Variants in SLC22A15 observed in about 807,000 individuals in gnomAD.
The protein encoded by SLC22A15 is solute carrier family 22 member 15, also known as flipt 1.
In SLC22A15, 45 loss-of-function variants were observed where a neutral mutation model predicts 62.7. That is an observed-to-expected ratio of 0.72 (90% CI 0.56 to 0.92). The LOEUF (loss-of-function observed/expected upper bound fraction) is 0.92, where lower values mean the gene tolerates loss of function less well. SLC22A15 is among the 40% of genes least tolerant of loss of function. SLC22A15 has a pLI of 0.00. For synonymous variants in SLC22A15, 264 were observed against 267.0 expected (o/e 0.99, Z 0.11); for missense variants, 622 against 665.6 (o/e 0.93, Z 0.72).
chr1:116,054,546 C>G (rs1048318558), intron 8 of SLC22A15, among the ~76,000 whole-genome samples: 1 of 152,136 alleles, frequency 6.6e-6, no homozygotes, highest in Non-Finnish European at 1.5e-5. Flanking sequence ...CAGCTCTGCA[C>G]CAAGCTGACC....
intron 8 of SLC22A15, among the ~76,000 whole-genome samples, chr1:116,054,350 G>T (rs1291275150): frequency 6.6e-6 from 1 of 151,692 alleles, no homozygotes; most frequent in African/African-American, 2.4e-5. Context: ...AACAAGAAGA[G>T]CTAACTATCC....
intron 2 of SLC22A15, among the ~76,000 whole-genome samples, chr1:115,997,708 T>C (rs559406358): frequency 6.6e-6 from 1 of 152,080 alleles, no homozygotes; most frequent in South Asian, 2.1e-4. Context: ...ATGGAGTCTT[T>C]AGTTTTTTTT....
intron 5 of SLC22A15, among the ~76,000 whole-genome samples, chr1:116,030,081 A>G (rs1281563772): frequency 6.6e-6 from 1 of 152,226 alleles, no homozygotes; most frequent in Non-Finnish European, 1.5e-5. Flanking sequence ...TAATAATCAA[A>G]TGGCAATGAA....
intron 5 of SLC22A15, among the ~76,000 whole-genome samples, chr1:116,030,459 A>AG (rs769489022): frequency 6.6e-6 from 1 of 152,172 alleles, no homozygotes; most frequent in Non-Finnish European, 1.5e-5. Flanking sequence ...TAAAAAAAAA[A>AG]CAACCTTGAT....
intron 1 of SLC22A15, among the ~76,000 whole-genome samples, chr1:115,985,456 A>T (rs1209938049): frequency 1.3e-5 from 2 of 152,336 alleles, no homozygotes; most frequent in East Asian, 3.9e-4. Flanking sequence ...GTGATGCATG[A>T]CATATGACTG....
intron 6 of SLC22A15, chr1:116,032,318 T>G (rs1170717561): frequency 1.0e-6 from 1 of 985,292 alleles, no homozygotes; most frequent in Non-Finnish European, 1.2e-6. Context: ...ATTTGTGGAT[T>G]GCACATGTGT....
intron 8 of SLC22A15, among the ~76,000 whole-genome samples, chr1:116,047,477 T>C (rs181993305): frequency 6.6e-6 from 1 of 152,170 alleles, no homozygotes; most frequent in East Asian, 1.9e-4. Context: ...ACGGAGTCCA[T>C]TGCACCCTCC....
chr1:116,063,032 C>T, intron 9 of SLC22A15, 150 bp downstream of exon 9: 1 of 926,584 alleles, frequency 1.1e-6, no homozygotes. Flanking sequence ...GAGAGCTTGC[C>T]TTGGCAGACT....
intron 8 of SLC22A15, 61 bp from the exon 9 acceptor site, chr1:116,062,701 T>A (rs1658411744): frequency 1.2e-6 from 2 of 1,602,290 alleles, no homozygotes; most frequent in Admixed American, 3.3e-5. Flanking sequence ...AAATGAAATG[T>A]GCCATTTAGA....
intron 1 of SLC22A15, among the ~76,000 whole-genome samples, chr1:115,989,452 G>A (rs1161812658): frequency 6.6e-6 from 1 of 152,076 alleles, no homozygotes; most frequent in Non-Finnish European, 1.5e-5. Context: ...TCTTTTATCT[G>A]TAAGGTTGCT....
chr1:116,016,665 C>G (rs1398064672), intron 2 of SLC22A15, among the ~76,000 whole-genome samples: 1 of 152,166 alleles, frequency 6.6e-6, no homozygotes. Flanking sequence ...GAATTCCCAC[C>G]ATGTACCTAA....
At chr1:115,993,426 AGAGTGT>A (rs1171900778) in intron 2 of SLC22A15, among the ~76,000 whole-genome samples, 2 of 123,062 alleles carry the variant, frequency 1.6e-5, no homozygotes, top group African/African-American at 7.8e-5. Flanking sequence ...TGAGTGTGTG[AGAGTGT>A]GTGTGTGTGT....
rs1352258996 is a variant in SLC22A15, at chr1:116,068,648, G to A, written c.*1540G>A. The A allele has an allele frequency of 1.3e-5, 2 of 152,134 alleles. No individual in the cohort carries two copies. Among genetic ancestry groups the A allele is most frequent in the Non-Finnish European group, 1.5e-5 (1 of 68,034 alleles). 9.4% of individuals were successfully genotyped at this position (152,134 alleles called of 1,614,324 possible). On this transcript the variant is annotated 3_prime_UTR_variant, in exon 12 of 12. Coordinates refer to ENST00000369503, the MANE Select transcript of SLC22A15 (RefSeq NM_018420.3). Reference sequence around the variant, plus strand: ...CAGAACATTGGCGTAGACACAGTAAGAACCTAGTAAATATTACTGTTTCTA... The same window carrying A: ...CAGAACATTGGCGTAGACACAGTAAAAACCTAGTAAATATTACTGTTTCTA...
intron 8 of SLC22A15, among the ~76,000 whole-genome samples, chr1:116,058,957 T>C (rs970214783): frequency 6.6e-6 from 1 of 152,080 alleles, no homozygotes; most frequent in Non-Finnish European, 1.5e-5. Flanking sequence ...CTTTGGGGAC[T>C]TGGAGGGAAG....
chr1:115,992,985 A>G (rs1655230608), intron 2 of SLC22A15, among the ~76,000 whole-genome samples: 1 of 152,096 alleles, frequency 6.6e-6, no homozygotes, highest in Non-Finnish European at 1.5e-5. Flanking sequence ...TGACTATACA[A>G]TGTAAAAGAC....
At chr1:116,018,863 A>G (rs1218716655) in intron 2 of SLC22A15, among the ~76,000 whole-genome samples, 1 of 152,192 alleles carries the variant, frequency 6.6e-6, no homozygotes, top group African/African-American at 2.4e-5. Context: ...CTTCCTATCT[A>G]GCTGTAATTT....
At chr1:116,028,249 T>G (rs1478001927) in intron 5 of SLC22A15, among the ~76,000 whole-genome samples, 1 of 152,036 alleles carries the variant, frequency 6.6e-6, no homozygotes, top group East Asian at 1.9e-4. Context: ...ATTAAATGTA[T>G]TTTTAGTTAT....
At chr1:115,985,398 A>G (rs767999134) in intron 1 of SLC22A15, among the ~76,000 whole-genome samples, 1 of 152,190 alleles carries the variant, frequency 6.6e-6, no homozygotes, top group Non-Finnish European at 1.5e-5. Flanking sequence ...TTGCACAATG[A>G]TGGACTCGCC....
intron 6 of SLC22A15, chr1:116,032,357 CA>C (rs1482445429): frequency 2.0e-6 from 2 of 985,150 alleles, no homozygotes; most frequent in Non-Finnish European, 2.4e-6. Flanking sequence ...GCTAATGTGC[CA>C]TAAGTGTTAT....
Sources: gnomAD v4.1 joint callset for allele counts (sites outside exome capture counted in the v4.1 genomes callset) on GRCh38, gnomAD v4.1.1 for gene constraint, MANE v1.5 for transcripts, NCBI Gene and HGNC (gene_info 2026-07-23, HGNC 2026-07-21) for gene names.